The following ITIH2 variants were observed in gnomAD, a reference collection of about 807,000 sequenced individuals.
ITIH2 encodes the protein inter-alpha-trypsin inhibitor heavy chain H2.
A neutral mutation model predicts 104.4 loss-of-function variants in ITIH2; 103 were observed. That is an observed-to-expected ratio of 0.99 (90% confidence interval 0.84 to 1.16). The LOEUF (loss-of-function observed/expected upper bound fraction) is 1.16, where lower values mean the gene tolerates loss of function less well. ITIH2 is among the 50% of genes most tolerant of loss of function. ITIH2 has a pLI of 0.00. For synonymous variants in ITIH2, 436 were observed against 435.4 expected (o/e 1.00, Z -0.02); for missense variants, 1,108 against 1,162.4 (o/e 0.95, Z 0.68).
Position 7,720,901 on chromosome 10 carries a change from G to A in ITIH2, c.676G>A (p.Val226Ile). 2 of 1,613,938 alleles carry A rather than the reference G, an allele frequency of 1.2e-6. No individual in the cohort carries two copies. Among genetic ancestry groups the A allele is most frequent in the Non-Finnish European group, 1.7e-6 (2 of 1,179,820 alleles). Residue 226 changes from valine to isoleucine, a missense_variant, in exon 7 of 21, where the codon GTT (valine) becomes ATT (isoleucine). By Grantham distance (29) the Val-to-Ile change is conservative (BLOSUM62 3). Transcript: ENST00000358415. Reference sequence around the variant, plus strand: ...ACCACAGGGACTGAGATTTCTTCATGTTCCCGACACATTTGAAGGCCATTT... The same window carrying A: ...ACCACAGGGACTGAGATTTCTTCATATTCCCGACACATTTGAAGGCCATTT... ...IEPQGLRFLH[V>I]PDTFEGHFDG...
intron 9 of ITIH2, among the ~76,000 whole-genome samples, chr10:7,725,840 G>A (rs936892798): frequency 6.6e-6 from 1 of 152,164 alleles, no homozygotes; most frequent in Non-Finnish European, 1.5e-5. Flanking sequence ...AGGAGTAGAT[G>A]GACAAGGGAG....
intron 11 of ITIH2, among the ~76,000 whole-genome samples, chr10:7,729,647 T>C (rs1834983166): frequency 6.6e-6 from 1 of 152,200 alleles, no homozygotes; most frequent in East Asian, 1.9e-4. Flanking sequence ...TCCTTTTTAA[T>C]AGCTGCATAG....
chr10:7,708,644 A>G (rs1834768880), intron 3 of ITIH2, among the ~76,000 whole-genome samples: 1 of 152,150 alleles, frequency 6.6e-6, no homozygotes, highest in Non-Finnish European at 1.5e-5. Context: ...TCAACCTCGC[A>G]ATCCAGTATC....
At chr10:7,743,995 C>T in intron 17 of ITIH2, 87 bp from the exon 18 acceptor site, 1 of 924,854 alleles carries the variant, frequency 1.1e-6, no homozygotes, top group Non-Finnish European at 1.6e-6. Flanking sequence ...CCAATATTGC[C>T]AAGTTTTTAT....
At chr10:7,705,016 C>T in intron 1 of ITIH2, 92 bp from the exon 2 acceptor site, 1 of 762,938 alleles carries the variant, frequency 1.3e-6, no homozygotes, top group Non-Finnish European at 2.2e-6. Flanking sequence ...CACATGTATA[C>T]CTATGTAACA....
rs551910030 is a variant in ITIH2 at position 7,718,678 on chromosome 10, C to T, written c.630+890C>T. Among the ~76,000 whole-genome samples the T allele has an allele frequency of 7.2e-5, 11 of 152,226 alleles. No individual in the cohort carries two copies. The South Asian group carries it at 1.7e-3, about 23-fold the overall frequency. ...TAGTTTTCCGATCCTTTCTCTCCTC[C>T]CTCCCTCACCCTCGAGTAGGCCCTG... On this transcript the variant is annotated intron_variant, in intron 6 of 20. Transcript: ENST00000358415.
chr10:7,721,438 G>C (rs1834901588), intron 7 of ITIH2, among the ~76,000 whole-genome samples: 1 of 152,142 alleles, frequency 6.6e-6, no homozygotes, highest in African/African-American at 2.4e-5. Context: ...CTTCTAAAAA[G>C]GTCTGAAACC....
At chr10:7,748,511 C>A (rs1460714069) in intron 20 of ITIH2, among the ~76,000 whole-genome samples, 1 of 93,202 alleles carries the variant, frequency 1.1e-5, no homozygotes, top group Non-Finnish European at 2.4e-5. Flanking sequence ...AGAGGTGCCG[C>A]CAATGCATTC....
chr10:7,717,549 A>G (rs1834861710), intron 5 of ITIH2, 77 bp from the exon 6 acceptor site: 10 of 1,383,216 alleles, frequency 7.2e-6, no homozygotes, highest in Admixed American at 1.7e-5. Flanking sequence ...GAAATTCTAC[A>G]TGCCCTCTGC....
intron 5 of ITIH2, among the ~76,000 whole-genome samples, chr10:7,715,881 T>C (rs1834844478): frequency 2.6e-5 from 4 of 151,708 alleles, no homozygotes. Flanking sequence ...GCTGGGATTA[T>C]AGGCACCCAC....
intron 9 of ITIH2, among the ~76,000 whole-genome samples, chr10:7,726,106 T>C (rs1479986914): frequency 6.6e-6 from 1 of 151,830 alleles, no homozygotes; most frequent in Non-Finnish European, 1.5e-5. Context: ...TTCAGTAGAG[T>C]GACAGGGATG....
At chr10:7,729,912 G>C (rs753120861) in intron 11 of ITIH2, 40 bp from the exon 12 acceptor site, 5 of 1,465,778 alleles carry the variant, frequency 3.4e-6, no homozygotes, top group African/African-American at 1.4e-5. Context: ...TTATGATATT[G>C]CTTCTTCATT....
At chr10:7,745,297 A>G (rs888414288) in intron 19 of ITIH2, among the ~76,000 whole-genome samples, 2 of 152,224 alleles carry the variant, frequency 1.3e-5, no homozygotes, top group African/African-American at 4.8e-5. Context: ...CACTCTGGAC[A>G]AATGTCCCTA....
At chr10:7,723,148 C>CGTGGAGTGGAGTGGAGTGAA (rs1834921554) in intron 8 of ITIH2, among the ~76,000 whole-genome samples, 2 of 139,522 alleles carry the variant, frequency 1.4e-5, no homozygotes, top group Admixed American at 7.0e-5. Flanking sequence ...CGTGGAGTGG[C>CGTGGAGTGGAGTGGAGTGAA]GTGGCGTGGA....
chr10:7,720,772 A>G, intron 6 of ITIH2, 84 bp from the exon 7 acceptor site: 1 of 822,204 alleles, frequency 1.2e-6, no homozygotes, highest in Non-Finnish European at 2.1e-6. Flanking sequence ...AAAGCATCAG[A>G]GGACTTATTT....
chr10:7,739,435 G>A (rs1835104310), intron 16 of ITIH2, among the ~76,000 whole-genome samples: 1 of 152,198 alleles, frequency 6.6e-6, no homozygotes, highest in Admixed American at 6.5e-5. Flanking sequence ...TTAGAAGGGT[G>A]GCTCCTGTTG....
intron 11 of ITIH2, 99 bp downstream of exon 11, chr10:7,727,927 GT>G (rs1834966980): frequency 7.3e-7 from 1 of 1,366,144 alleles, no homozygotes; most frequent in Non-Finnish European, 1.0e-6. Context: ...ATTTGCCTGA[GT>G]TTCTAGAACA....
intron 6 of ITIH2, among the ~76,000 whole-genome samples, chr10:7,719,760 CAAAAAAAAAA>C (rs71385664): frequency 4.8e-5 from 2 of 41,718 alleles, no homozygotes; most frequent in African/African-American, 2.1e-4. Context: ...GACCCTGTCT[CAAAAAAAAAA>C]AAAAAAAAAA....
At chr10:7,710,278 T>C (rs1184801322) in intron 4 of ITIH2, among the ~76,000 whole-genome samples, 1 of 152,242 alleles carries the variant, frequency 6.6e-6, no homozygotes, top group African/African-American at 2.4e-5. Flanking sequence ...TTCCCTCTAT[T>C]TTCTGTGTGT....
Sources: gnomAD v4.1 joint callset for allele counts (sites outside exome capture counted in the v4.1 genomes callset) on GRCh38, gnomAD v4.1.1 for gene constraint, MANE v1.5 for transcripts, NCBI Gene and HGNC (gene_info 2026-07-23, HGNC 2026-07-21) for gene names.